Variants in ARL8B observed in about 807,000 individuals in gnomAD.
The protein encoded by ARL8B is ARF like GTPase 8B.
Under a neutral mutation model 30.6 loss-of-function variants are expected in ARL8B, and 9 were observed. The observed-to-expected ratio is 0.29, with a 90% CI of 0.18 to 0.51. The LOEUF is 0.51. ARL8B is among the 20% of genes least tolerant of loss of function. The pLI is 0.97. For synonymous variants in ARL8B, 74 were observed against 76.0 expected, an observed-to-expected ratio of 0.97 and a Z score of 0.14; for missense variants, 130 against 227.2, an observed-to-expected ratio of 0.57 and a Z score of 2.75.
intron 3 of ARL8B, 21 bp from the exon 4 acceptor site, chr3:5,172,626 A>T: frequency 6.5e-7 from 1 of 1,546,196 alleles, no homozygotes; most frequent in Non-Finnish European, 8.9e-7. Context: ...AGGTATGTTG[A>T]GATCACTTCA....
chr3:5,136,067 C>T (rs999804553), intron 1 of ARL8B, among the ~76,000 whole-genome samples: 1 of 151,736 alleles, frequency 6.6e-6, no homozygotes, highest in African/African-American at 2.4e-5. Flanking sequence ...GGATTATAGG[C>T]GTGAGCCATC....
At chr3:5,125,832 C>T (rs1022586172) in intron 1 of ARL8B, among the ~76,000 whole-genome samples, 4 of 152,024 alleles carry the variant, frequency 2.6e-5, no homozygotes, top group African/African-American at 7.2e-5. Context: ...TGTGCCCAGC[C>T]CACTGTTATC....
chr3:5,152,775 T>A (rs1381838711), intron 1 of ARL8B, among the ~76,000 whole-genome samples: 1 of 152,242 alleles, frequency 6.6e-6, no homozygotes, highest in Non-Finnish European at 1.5e-5. Flanking sequence ...CATGAGCCAC[T>A]GTGCCTAGAC....
At chr3:5,122,696 C>T in intron 1 of ARL8B, 108 bp downstream of exon 1, 2 of 1,278,076 alleles carry the variant, frequency 1.6e-6, no homozygotes, top group Non-Finnish European at 1.1e-6. Context: ...GGACTGATGG[C>T]GGGGGGCGTG....
At chr3:5,133,440 G>C (rs749020807) in intron 1 of ARL8B, among the ~76,000 whole-genome samples, 5 of 152,184 alleles carry the variant, frequency 3.3e-5, no homozygotes, top group Non-Finnish European at 7.4e-5. Context: ...GGAAAGGTAC[G>C]CATTATTATG....
intron 1 of ARL8B, among the ~76,000 whole-genome samples, chr3:5,159,061 C>T (rs920400594): frequency 2.0e-5 from 3 of 151,410 alleles, no homozygotes; most frequent in African/African-American, 2.4e-5. Flanking sequence ...GAGTTCGAGA[C>T]CAGCCTGGGC....
intron 1 of ARL8B, among the ~76,000 whole-genome samples, chr3:5,135,394 C>T (rs1307324553): frequency 1.3e-5 from 2 of 151,648 alleles, no homozygotes; most frequent in Admixed American, 6.6e-5. Flanking sequence ...AATTCTCTGC[C>T]TCAGCCTCCC....
chr3:5,134,879 G>A (rs1477367309), intron 1 of ARL8B, among the ~76,000 whole-genome samples: 1 of 152,120 alleles, frequency 6.6e-6, no homozygotes, highest in Non-Finnish European at 1.5e-5. Flanking sequence ...ATGGAGTCTC[G>A]CTCTGTCTCC....
chr3:5,155,907 T>TG (rs397811280), intron 1 of ARL8B, among the ~76,000 whole-genome samples: 8 of 145,190 alleles, frequency 5.5e-5, no homozygotes, highest in African/African-American at 2.2e-4. Flanking sequence ...TGTGTGTGTG[T>TG]TGTTTTTGTT....
intron 4 of ARL8B, 53 bp from the exon 5 acceptor site, chr3:5,173,963 TC>T: frequency 2.3e-6 from 3 of 1,299,976 alleles, no homozygotes; most frequent in Non-Finnish European, 3.3e-6. Flanking sequence ...ATGATAAACT[TC>T]TGTGACTTTT....
At chr3:5,140,559 T>A (rs2054364532) in intron 1 of ARL8B, among the ~76,000 whole-genome samples, 1 of 84,164 alleles carries the variant, frequency 1.2e-5, no homozygotes, top group South Asian at 2.5e-4. Context: ...ACCTTCTTGG[T>A]TTTTTTTTTT....
chr3:5,147,022 CT>C (rs58037248), intron 1 of ARL8B, among the ~76,000 whole-genome samples: 42 of 147,598 alleles, frequency 2.8e-4, no homozygotes, highest in Admixed American at 4.1e-4. Context: ...TTTTCTTCCT[CT>C]TTTTTTTTTT....
chr3:5,156,152 C>G (rs1448573029), intron 1 of ARL8B, among the ~76,000 whole-genome samples: 1 of 152,130 alleles, frequency 6.6e-6, no homozygotes, highest in Admixed American at 6.5e-5. Context: ...ATCTGCCTGC[C>G]TCAGCCTCCC....
intron 1 of ARL8B, among the ~76,000 whole-genome samples, chr3:5,157,341 T>G (rs2054542376): frequency 6.6e-6 from 1 of 152,200 alleles, no homozygotes. Context: ...GTTCGTTCCC[T>G]TCTGAGTTTC....
rs914684418 is a variant in ARL8B, at chr3:5,122,335, C to T, written c.-131C>T. 2.0e-5 allele frequency: 31 copies of T among 1,536,044 alleles called. No homozygotes were observed. Among genetic ancestry groups the T allele is most frequent in the East Asian group, 1.2e-4 (5 of 40,642 alleles). On this transcript the variant is annotated 5_prime_UTR_variant, in exon 1 of 7. Transcript: ENST00000256496. ...CCTGGGTCTGGCTGCTGCCGCCCGCCGGTGTCCGCCCGTGTCGCGCCGGGG... is the reference window on the plus strand; with the variant it reads ...CCTGGGTCTGGCTGCTGCCGCCCGCTGGTGTCCGCCCGTGTCGCGCCGGGG...
At chr3:5,161,856 AG>A (rs1180825052) in intron 1 of ARL8B, among the ~76,000 whole-genome samples, 1 of 152,188 alleles carries the variant, frequency 6.6e-6, no homozygotes, top group Non-Finnish European at 1.5e-5. Flanking sequence ...CACCTCATAC[AG>A]TCTCCTCTGT....
chr3:5,126,100 C>G (rs2054227886), intron 1 of ARL8B, among the ~76,000 whole-genome samples: 1 of 150,076 alleles, frequency 6.7e-6, no homozygotes, highest in East Asian at 1.9e-4. Flanking sequence ...AAAGGGACCC[C>G]CTCAGTGAAT....
At chr3:5,161,444 GC>G (rs1217002201) in intron 1 of ARL8B, among the ~76,000 whole-genome samples, 2 of 152,182 alleles carry the variant, frequency 1.3e-5, no homozygotes, top group African/African-American at 4.8e-5. Context: ...AAACAGCACA[GC>G]AGTTAAGAGT....
chr3:5,123,865 G>C (rs111460923), intron 1 of ARL8B, among the ~76,000 whole-genome samples: 2 of 152,076 alleles, frequency 1.3e-5, no homozygotes, highest in East Asian at 3.9e-4. Flanking sequence ...TCCTTTTCTA[G>C]TAGTATTATT....
Sources: gnomAD v4.1 joint callset for allele counts (sites outside exome capture counted in the v4.1 genomes callset) on GRCh38, gnomAD v4.1.1 for gene constraint, MANE v1.5 for transcripts, NCBI Gene and HGNC (gene_info 2026-07-23, HGNC 2026-07-21) for gene names.